The following ANKHD1 variants were observed in gnomAD, a reference collection of about 807,000 sequenced individuals.
ANKHD1 encodes ankyrin repeat and KH domain containing 1.
In ANKHD1, 31 loss-of-function variants were observed where a neutral mutation model predicts 230.5. The observed-to-expected ratio is 0.13, with a 90% CI of 0.10 to 0.18. The LOEUF is 0.18. Among genes scored for constraint, ANKHD1 ranks in the 10% least tolerant of loss-of-function variants. The pLI is 1.00. For missense variants in ANKHD1, 2,256 were observed against 3,071.3 expected (o/e 0.73, Z 6.27); for synonymous variants, 1,074 against 1,117.6 (o/e 0.96, Z 0.78).
rs963679287 is a variant in ANKHD1, at chr5:140,463,648, G to GT, written c.1673-1011dup. On this transcript the variant is annotated intron_variant, in intron 9 of 33. Transcript: ENST00000360839. The stretch of plus-strand genomic sequence containing the variant: ...GTACTTCCAATTCAGAACCACAAGG[G>GT]TTTTTTTTGGTTTTGTTTTGTTTTT... Among the ~76,000 whole-genome samples the GT allele has an allele frequency of 2.5e-3, 385 of 151,590 alleles. 1 individual carries two copies. The highest frequency in any genetic ancestry group is 4.3e-3 in the Non-Finnish European group (289 of 67,822).
intron 10 of ANKHD1, among the ~76,000 whole-genome samples, chr5:140,469,475 C>G (rs1776338686): frequency 6.6e-6 from 1 of 151,992 alleles, no homozygotes; most frequent in Non-Finnish European, 1.5e-5. Context: ...TCACTGCACT[C>G]CAGCCGGGGC....
intron 5 of ANKHD1, among the ~76,000 whole-genome samples, chr5:140,444,838 T>C (rs578047032): frequency 6.6e-6 from 1 of 152,330 alleles, no homozygotes; most frequent in African/African-American, 2.4e-5. Context: ...AGACAACTGT[T>C]ACTCTACTTT....
At chr5:140,439,697 A>T (rs978047238) in intron 3 of ANKHD1, among the ~76,000 whole-genome samples, 1 of 151,810 alleles carries the variant, frequency 6.6e-6, no homozygotes, top group African/African-American at 2.4e-5. Flanking sequence ...AAATACAAAC[A>T]CTAATGATAG....
At chr5:140,496,017 T>C (rs1752015253) in intron 14 of ANKHD1, among the ~76,000 whole-genome samples, 2 of 152,186 alleles carry the variant, frequency 1.3e-5, no homozygotes, top group Non-Finnish European at 2.9e-5. Flanking sequence ...TATCCCCTAC[T>C]TTGATCTGTA....
At chr5:140,405,398 T>C (rs1770355781) in intron 1 of ANKHD1, among the ~76,000 whole-genome samples, 1 of 152,128 alleles carries the variant, frequency 6.6e-6, no homozygotes, top group African/African-American at 2.4e-5. Context: ...GTCTTTATAG[T>C]ATGTGTGGTA....
At chr5:140,455,933 T>G (rs548704649) in intron 7 of ANKHD1, among the ~76,000 whole-genome samples, 1 of 152,340 alleles carries the variant, frequency 6.6e-6, no homozygotes, top group South Asian at 2.1e-4. Context: ...TGTCCCTGTT[T>G]GCAGATCACA....
chr5:140,527,869 A>G lies in ANKHD1; in HGVS notation c.5088-4A>G. The G allele has an allele frequency of 2.5e-6, 4 of 1,610,532 alleles. No homozygotes were observed. The highest frequency in any genetic ancestry group is 1.7e-6 in the Non-Finnish European group (2 of 1,178,584). ...TAAGCTCATGTGTATTCTTCATTTT[A>G]TAGGTCAAAGAAATTGTCTGTTCCA... On this transcript the variant is annotated splice_region_variant and splice_polypyrimidine_tract_variant and intron_variant, in intron 27 of 33. Coordinates refer to ENST00000360839, the MANE Select transcript of ANKHD1 (RefSeq NM_017747.3). This position sits in a 1 kb window ranked among gnomAD's most constrained non-coding sequence, Gnocchi z 4.5.
chr5:140,428,949 A>G (rs1443460518), intron 1 of ANKHD1, among the ~76,000 whole-genome samples: 1 of 150,586 alleles, frequency 6.6e-6, no homozygotes, highest in Non-Finnish European at 1.5e-5. Context: ...GGTCTGGCAA[A>G]TTTTTTTTGT....
At chr5:140,524,902 C>G in intron 25 of ANKHD1, 1 of 251,576 alleles carries the variant, frequency 4.0e-6, no homozygotes, top group South Asian at 3.7e-5. Flanking sequence ...AGTTTGAGAC[C>G]AGCCTGACCA....
chr5:140,526,781 AT>A, intron 26 of ANKHD1, 146 bp from the exon 27 acceptor site: 1 of 1,186,914 alleles, frequency 8.4e-7, no homozygotes, highest in Non-Finnish European at 1.1e-6. Context: ...TCTTTGCTCT[AT>A]TTCTGTTTTT....
At chr5:140,478,570 A>G (rs1440935766) in intron 10 of ANKHD1, among the ~76,000 whole-genome samples, 4 of 152,190 alleles carry the variant, frequency 2.6e-5, no homozygotes, top group East Asian at 1.9e-4. Flanking sequence ...TCAGTAGTTT[A>G]CCCATATATA....
chr5:140,414,492 A>C (rs1771192903), intron 1 of ANKHD1, among the ~76,000 whole-genome samples: 1 of 152,116 alleles, frequency 6.6e-6, no homozygotes, highest in Non-Finnish European at 1.5e-5. Context: ...CCATTTCTGT[A>C]TCTTTGGTGA....
rs6875674 is a variant in ANKHD1 at position 140,539,548 on chromosome 5, G to T, written c.*130G>T. 1 of 1,009,666 alleles carries T rather than the reference G, an allele frequency of 9.9e-7. No homozygotes were observed. Among genetic ancestry groups the T allele is most frequent in the Non-Finnish European group, 1.4e-6 (1 of 691,502 alleles). 62.5% of individuals were successfully genotyped at this position (1,009,666 alleles called of 1,614,324 possible). ...AGCAATGGAAATTTGATTGCCCATTGTATAAGAACAAATTGATTTCCTATC... is the reference window on the plus strand; with the variant it reads ...AGCAATGGAAATTTGATTGCCCATTTTATAAGAACAAATTGATTTCCTATC... On this transcript the variant is annotated 3_prime_UTR_variant, in exon 34 of 34. Transcript: ENST00000360839.
intron 14 of ANKHD1, among the ~76,000 whole-genome samples, chr5:140,488,825 G>C (rs141267430): frequency 1.7e-4 from 26 of 151,858 alleles, no homozygotes; most frequent in Admixed American, 1.7e-3. Flanking sequence ...ACTTGAACCC[G>C]GGAGGCAGAG....
chr5:140,450,546 C>G (rs928623577), intron 7 of ANKHD1, among the ~76,000 whole-genome samples: 6 of 151,704 alleles, frequency 4.0e-5, no homozygotes, highest in African/African-American at 1.5e-4. Flanking sequence ...CTCTCTCTCT[C>G]TCTTTATTTT....
intron 2 of ANKHD1, among the ~76,000 whole-genome samples, chr5:140,437,427 G>A (rs1773531317): frequency 6.6e-6 from 1 of 152,246 alleles, no homozygotes; most frequent in African/African-American, 2.4e-5. Flanking sequence ...AACTGGCTGG[G>A]CGCCATGGCT....
rs891649866 is a variant in ANKHD1 at position 140,459,052 on chromosome 5, G to T, written c.1481-112G>T. On this transcript the variant is annotated intron_variant, in intron 8 of 33. Coordinates refer to ENST00000360839, the MANE Select transcript of ANKHD1 (RefSeq NM_017747.3). Reference sequence around the variant, plus strand: ...TATTGCATTGATGATAAATTACCCTGGAGGAAACCACAGAAGCAGAGAAGA... The same window carrying T: ...TATTGCATTGATGATAAATTACCCTTGAGGAAACCACAGAAGCAGAGAAGA... 1.2e-5 allele frequency: 10 copies of T among 823,138 alleles called. No individual in the cohort carries two copies. The African/African-American group carries it at 1.8e-4, about 15-fold the overall frequency. 51.0% of individuals were successfully genotyped at this position (823,138 alleles called of 1,614,324 possible). A position where few individuals can be genotyped will look rare whatever the true frequency, so the allele number is the denominator to read the frequency against.
At chr5:140,518,231 A>G (rs1295607600) in intron 24 of ANKHD1, among the ~76,000 whole-genome samples, 2 of 152,134 alleles carry the variant, frequency 1.3e-5, no homozygotes, top group African/African-American at 2.4e-5. Flanking sequence ...TCCCAAGACT[A>G]AACCAGGAAG....
intron 16 of ANKHD1, 68 bp downstream of exon 16, chr5:140,505,034 T>A: frequency 6.2e-7 from 1 of 1,602,356 alleles, no homozygotes; most frequent in African/African-American, 1.3e-5. Flanking sequence ...AAAATTATTC[T>A]GCATTTATTG....
Sources: allele counts gnomAD v4.1 joint callset (sites outside exome capture counted in the v4.1 genomes callset), GRCh38; gene constraint gnomAD v4.1.1; non-coding constraint Gnocchi (gnomAD v3.1); transcripts MANE v1.5; gene names NCBI Gene and HGNC (gene_info 2026-07-23, HGNC 2026-07-21).